Variants in ZMAT5 observed in about 807,000 individuals in gnomAD.
ZMAT5 encodes the protein zinc finger matrin-type protein 5.
Under a neutral mutation model 28.0 loss-of-function variants are expected in ZMAT5, and 23 were observed. That is an observed-to-expected ratio of 0.82 (90% confidence interval 0.59 to 1.16). The LOEUF (loss-of-function observed/expected upper bound fraction) is 1.16, where lower values mean the gene tolerates loss of function less well. ZMAT5 is among the 50% of genes most tolerant of loss of function. ZMAT5 has a pLI of 0.00. For missense variants in ZMAT5, 173 were observed against 212.7 expected, an observed-to-expected ratio of 0.81 and a Z score of 1.16; for synonymous variants, 76 against 84.1, an observed-to-expected ratio of 0.90 and a Z score of 0.52.
chr22:29,742,377 G>A (rs764016252), intron 3 of ZMAT5, 41 bp downstream of exon 3: 11 of 1,570,354 alleles, frequency 7.0e-6, no homozygotes, highest in South Asian at 3.4e-5. Flanking sequence ...GCTGGATATC[G>A]CAGGTCCCCG....
intron 4 of ZMAT5, 48 bp downstream of exon 4, chr22:29,740,602 T>G: frequency 6.5e-7 from 1 of 1,541,960 alleles, no homozygotes; most frequent in Non-Finnish European, 8.8e-7. Flanking sequence ...AGAGCCCACA[T>G]GCCCCAGCAC....
intron 2 of ZMAT5, 129 bp downstream of exon 2, chr22:29,748,289 A>G: frequency 7.2e-7 from 1 of 1,392,360 alleles, no homozygotes; most frequent in Non-Finnish European, 1.0e-6. Context: ...CCAGTGGCTC[A>G]GGCCTCCCTC....
At chr22:29,732,032 T>C (rs140099) in intron 5 of ZMAT5, among the ~76,000 whole-genome samples, 81,168 of 152,004 alleles carry the variant, frequency 0.53, 21,956 homozygotes, top group East Asian at 0.62. Flanking sequence ...CCCTGGAACT[T>C]GGGGTCCATG....
At chr22:29,758,797 A>T (rs1031691247) in intron 1 of ZMAT5, 2 of 152,536 alleles carry the variant, frequency 1.3e-5, no homozygotes, top group African/African-American at 2.4e-5. Flanking sequence ...CTAACTGATC[A>T]CAACCAGATA....
chr22:29,757,588 C>T (rs2068115062), intron 1 of ZMAT5, among the ~76,000 whole-genome samples: 1 of 152,242 alleles, frequency 6.6e-6, no homozygotes, highest in Non-Finnish European at 1.5e-5. Flanking sequence ...TTGCAGCCAG[C>T]CTCCAAGCCC....
At chr22:29,735,430 C>T (rs1022273080) in intron 5 of ZMAT5, among the ~76,000 whole-genome samples, 1 of 152,174 alleles carries the variant, frequency 6.6e-6, no homozygotes, top group Non-Finnish European at 1.5e-5. Flanking sequence ...GCTCAGACCC[C>T]CTACAGCCAA....
intron 1 of ZMAT5, among the ~76,000 whole-genome samples, chr22:29,752,100 G>A (rs1284851252): frequency 2.6e-5 from 4 of 152,074 alleles, no homozygotes; most frequent in South Asian, 2.1e-4. Flanking sequence ...CATGAATGAG[G>A]CAACTGAGGC....
rs756709454 is a variant in ZMAT5, at chr22:29,731,211, C to T, written c.*14G>A. On this transcript the variant is annotated 3_prime_UTR_variant, in exon 6 of 6. Coordinates refer to ENST00000344318, the MANE Select transcript of ZMAT5 (RefSeq NM_001003692.2). ...GAAAAGTGACCACGTGGGGGTCAGT[C>T]GGGGGCAAGGGGCTCAGCCCCACTG... 2.8e-5 allele frequency: 41 copies of T among 1,485,736 alleles called. No homozygotes were observed. The highest frequency in any genetic ancestry group is 4.4e-5 in the African/African-American group (3 of 67,436). 92.0% of individuals were successfully genotyped at this position (1,485,736 alleles called of 1,614,324 possible).
At chr22:29,744,868 T>C (rs1314199049) in intron 2 of ZMAT5, among the ~76,000 whole-genome samples, 2 of 152,236 alleles carry the variant, frequency 1.3e-5, no homozygotes, top group African/African-American at 2.4e-5. Flanking sequence ...TGAGAACCCC[T>C]GGCCCAGGCC....
chr22:29,736,057 G>A (rs528324067), intron 5 of ZMAT5, among the ~76,000 whole-genome samples: 15 of 152,354 alleles, frequency 9.8e-5, no homozygotes, highest in East Asian at 1.9e-4. Context: ...GGAGGCGAGT[G>A]GCTGGTGCAA....
At chr22:29,751,344 T>C (rs978552006) in intron 1 of ZMAT5, among the ~76,000 whole-genome samples, 2 of 152,184 alleles carry the variant, frequency 1.3e-5, no homozygotes, top group Non-Finnish European at 2.9e-5. Context: ...TATGAGGCAA[T>C]GGCTGCTTGA....
At chr22:29,758,910 AT>A (rs774413715) in intron 1 of ZMAT5, 1 of 152,290 alleles carries the variant, frequency 6.6e-6, no homozygotes, top group Non-Finnish European at 1.5e-5. Flanking sequence ...GATAAATCCT[AT>A]TCCTTCTCCC....
chr22:29,761,896 G>A (rs1212589437), intron 1 of ZMAT5, among the ~76,000 whole-genome samples: 2 of 152,050 alleles, frequency 1.3e-5, no homozygotes, highest in Non-Finnish European at 2.9e-5. Flanking sequence ...TTACTAAGGG[G>A]CCCCCCATAT....
In ZMAT5 at chr22:29,748,525, CA is replaced by C. The variant is rs751301802; in HGVS notation, c.19del (p.Cys7ValfsTer19). On this transcript the variant is annotated frameshift_variant, in exon 2 of 6. Transcript: ENST00000344318. LOFTEE classifies it high-confidence loss of function. MGKRYF[C>X]DYCDRSFQDN... ...CTGGAAGGAGCGGTCGCAGTAGTCA[CA>C]GAAGTATCGCTTCCCCATGGCCACT... The C allele has an allele frequency of 6.2e-7, 1 of 1,614,226 alleles. No homozygotes were observed. The highest frequency in any genetic ancestry group is 1.7e-5 in the Admixed American group (1 of 60,028).
intron 1 of ZMAT5, among the ~76,000 whole-genome samples, chr22:29,752,815 T>C (rs1241773069): frequency 6.6e-6 from 1 of 152,192 alleles, no homozygotes; most frequent in Non-Finnish European, 1.5e-5. Flanking sequence ...AGTGCTGGGA[T>C]TACAGTCGAG....
chr22:29,765,323 G>T (rs2068196863), intron 1 of ZMAT5, among the ~76,000 whole-genome samples: 1 of 152,074 alleles, frequency 6.6e-6, no homozygotes. Context: ...GTAGGCTGAG[G>T]CATGAGAATT....
intron 1 of ZMAT5, among the ~76,000 whole-genome samples, chr22:29,751,538 C>A (rs2068055405): frequency 6.6e-6 from 1 of 152,194 alleles, no homozygotes; most frequent in Non-Finnish European, 1.5e-5. Flanking sequence ...ATCCCCAGGA[C>A]AACCTGTGGG....
chr22:29,764,783 G>A (rs780283402), intron 1 of ZMAT5, among the ~76,000 whole-genome samples: 1 of 152,148 alleles, frequency 6.6e-6, no homozygotes, highest in Non-Finnish European at 1.5e-5. Context: ...GATTACAGGT[G>A]TGAGCCACCG....
rs1187674692 is a variant in ZMAT5 at position 29,738,324 on chromosome 22, C to T, written c.383+6G>A. On this transcript the variant is annotated splice_donor_region_variant and intron_variant, in intron 5 of 5. Transcript: ENST00000344318. ...CACAGCGGGAGGGAACCCTGGGGACCTGTACCTGCTACTTGGGGCTGAGCT... is the reference window on the plus strand; with the variant it reads ...CACAGCGGGAGGGAACCCTGGGGACTTGTACCTGCTACTTGGGGCTGAGCT... The T allele has an allele frequency of 3.1e-6, 5 of 1,608,098 alleles. No homozygotes were observed. Among genetic ancestry groups the T allele is most frequent in the Non-Finnish European group, 3.4e-6 (4 of 1,179,614 alleles).
Sources: gnomAD v4.1 joint callset for allele counts (sites outside exome capture counted in the v4.1 genomes callset) on GRCh38, gnomAD v4.1.1 for gene constraint, MANE v1.5 for transcripts, NCBI Gene and HGNC (gene_info 2026-07-23, HGNC 2026-07-21) for gene names.